MLXIP: variants seen among roughly 807,000 people sequenced by gnomAD.
MLXIP encodes MLX interacting protein.
In MLXIP, 30 loss-of-function variants were observed where a neutral mutation model predicts 87.2. That is an observed-to-expected ratio of 0.34 (90% CI 0.26 to 0.47). The LOEUF is 0.47. MLXIP is among the 20% of genes least tolerant of loss of function. The pLI is 1.00. For synonymous variants in MLXIP, 530 were observed against 514.0 expected, an observed-to-expected ratio of 1.03 and a Z score of -0.42; for missense variants, 1,002 against 1,240.1, an observed-to-expected ratio of 0.81 and a Z score of 2.88.
chr12:122,093,080 CTGTGTGTGTTGGTGTGTGG>C (rs1182808103), intron 1 of MLXIP, among the ~76,000 whole-genome samples: 1 of 120,316 alleles, frequency 8.3e-6, no homozygotes, highest in Admixed American at 8.2e-5. Context: ...GGTGTGTTTG[CTGTGTGTGTTGGTGTGTGG>C]TGTGTGTGTT....
chr12:122,080,331 G>C (rs1027252299), intron 1 of MLXIP, among the ~76,000 whole-genome samples: 2 of 152,222 alleles, frequency 1.3e-5, no homozygotes, highest in South Asian at 4.1e-4. Context: ...GAGGCATCGC[G>C]GGAGAAGTTT....
chr12:122,132,393 G>C lies in MLXIP; in HGVS notation c.1092+10G>C. 6.2e-7 allele frequency: 1 copy of C among 1,603,214 alleles called. No individual in the cohort carries two copies. The highest frequency in any genetic ancestry group is 8.5e-7 in the Non-Finnish European group (1 of 1,173,302). On this transcript the variant is annotated intron_variant, in intron 8 of 16. Transcript: ENST00000319080. ...CAACCCACCTGCACAGGTAGAGGAA[G>C]CTGGGGGATGGGTGGGGGAAGGGGC... is the stretch of plus-strand genomic sequence containing the variant.
chr12:122,129,764 C>A, intron 5 of MLXIP, 135 bp downstream of exon 5: 2 of 1,320,922 alleles, frequency 1.5e-6, no homozygotes, highest in Non-Finnish European at 2.1e-6. Flanking sequence ...GCTCAAGAAG[C>A]AGTCCAGCTC....
At chr12:122,088,080 C>T (rs1952194445) in intron 1 of MLXIP, among the ~76,000 whole-genome samples, 1 of 152,130 alleles carries the variant, frequency 6.6e-6, no homozygotes, top group Non-Finnish European at 1.5e-5. Context: ...CGTGGGCGGG[C>T]AGCTTCCCTG....
chr12:122,099,657 CAG>C lies in MLXIP; in HGVS notation c.413+20392_413+20393del, dbSNP rs1213602133. On this transcript the variant is annotated intron_variant, in intron 1 of 16. Transcript: ENST00000319080. ...GAACAGTTCCTCTGCTGAACTCCCT[CAG>C]GGGGAGGAGCAGAGCCTCAGGGCTT... Among the ~76,000 whole-genome samples the C allele has an allele frequency of 6.6e-5, 10 of 152,358 alleles. No individual in the cohort carries two copies. In the South Asian group the frequency reaches 1.7e-3, roughly 25 times the overall value.
At chr12:122,129,816 T>G (rs1952943871) in intron 5 of MLXIP, 125 bp from the exon 6 acceptor site, 2 of 1,346,950 alleles carry the variant, frequency 1.5e-6, no homozygotes, top group Non-Finnish European at 2.0e-6. Flanking sequence ...TCCAAATGCC[T>G]CCACCCTGCT....
intron 14 of MLXIP, 132 bp downstream of exon 14, chr12:122,138,683 A>C (rs930120497): frequency 6.7e-7 from 1 of 1,490,316 alleles, no homozygotes; most frequent in Admixed American, 2.2e-5. Flanking sequence ...CTCTTTGTCA[A>C]CCTCCTTCCA....
At chr12:122,102,019 C>T (rs538682778) in intron 1 of MLXIP, among the ~76,000 whole-genome samples, 111 of 152,234 alleles carry the variant, frequency 7.3e-4, no homozygotes, top group African/African-American at 2.1e-3. Flanking sequence ...TATAGCTCTT[C>T]TCATTATACT....
intron 1 of MLXIP, among the ~76,000 whole-genome samples, chr12:122,119,517 A>G (rs1187714402): frequency 6.6e-6 from 1 of 151,950 alleles, no homozygotes; most frequent in Non-Finnish European, 1.5e-5. Context: ...GCAGCCTCCC[A>G]AATAGCTGGG....
chr12:122,095,584 C>T (rs1285073005), intron 1 of MLXIP, among the ~76,000 whole-genome samples: 6 of 152,056 alleles, frequency 3.9e-5, no homozygotes, highest in African/African-American at 1.4e-4. Context: ...AATTTGTCCA[C>T]ATCTTTCAGG....
intron 6 of MLXIP, 115 bp downstream of exon 6, chr12:122,130,227 G>C (rs1952953648): frequency 1.8e-6 from 2 of 1,094,596 alleles, no homozygotes; most frequent in South Asian, 1.6e-5. Context: ...CGTCACGGTT[G>C]GGGGCAGGCA....
At chr12:122,139,030 T>C (rs1953148731) in intron 15 of MLXIP, 92 bp downstream of exon 15, 1 of 1,540,708 alleles carries the variant, frequency 6.5e-7, no homozygotes, top group Non-Finnish European at 8.8e-7. Flanking sequence ...AGAAAGACTC[T>C]TTAAATGCCT....
At chr12:122,095,480 G>T (rs1386045786) in intron 1 of MLXIP, among the ~76,000 whole-genome samples, 4 of 152,012 alleles carry the variant, frequency 2.6e-5, no homozygotes, top group African/African-American at 9.7e-5. Flanking sequence ...TTCAAATAGC[G>T]TTTGTATTTA....
At chr12:122,104,695 T>C (rs1952493705) in intron 1 of MLXIP, among the ~76,000 whole-genome samples, 1 of 149,570 alleles carries the variant, frequency 6.7e-6, no homozygotes, top group Admixed American at 6.8e-5. Flanking sequence ...TTCTCCTGCC[T>C]CAGCCTCTCG....
chr12:122,096,980 G>A (rs1428155914), intron 1 of MLXIP, among the ~76,000 whole-genome samples: 3 of 152,206 alleles, frequency 2.0e-5, no homozygotes, highest in African/African-American at 4.8e-5. Context: ...CTGACTCAAC[G>A]CTCTGAAAAA....
chr12:122,108,767 G>T (rs1952559960), intron 1 of MLXIP, among the ~76,000 whole-genome samples: 1 of 152,132 alleles, frequency 6.6e-6, no homozygotes, highest in Non-Finnish European at 1.5e-5. Flanking sequence ...AGAAATGAGT[G>T]CCCATCACTG....
intron 1 of MLXIP, among the ~76,000 whole-genome samples, chr12:122,101,929 C>T (rs1465282161): frequency 6.6e-6 from 1 of 152,110 alleles, no homozygotes; most frequent in Non-Finnish European, 1.5e-5. Context: ...GGATGTGAAC[C>T]ATTTTGAGTT....
At chr12:122,126,936 C>T (rs1335253938) in intron 1 of MLXIP, among the ~76,000 whole-genome samples, 1 of 152,192 alleles carries the variant, frequency 6.6e-6, no homozygotes, top group African/African-American at 2.4e-5. Context: ...GTTTGTTAGT[C>T]TGGTTCATGG....
intron 1 of MLXIP, among the ~76,000 whole-genome samples, chr12:122,084,144 TTGTGTGTGTGTGTGTGTGTG>T (rs746678463): frequency 3.0e-4 from 42 of 138,244 alleles, no homozygotes; most frequent in Admixed American, 6.5e-4. Flanking sequence ...CTCAGCCAGA[TTGTGTGTGTGTGTGTGTGTG>T]TGTGTGTGTG....
Sources: gnomAD v4.1 joint callset for allele counts (sites outside exome capture counted in the v4.1 genomes callset) on GRCh38, gnomAD v4.1.1 for gene constraint, MANE v1.5 for transcripts, NCBI Gene and HGNC (gene_info 2026-07-23, HGNC 2026-07-21) for gene names.